Variants in RFX2 observed in about 807,000 individuals in gnomAD.
The protein encoded by RFX2 is regulatory factor X2.
In RFX2, 20 loss-of-function variants were observed where a neutral mutation model predicts 87.8. The observed-to-expected ratio is 0.23, with a 90% CI of 0.16 to 0.33. The LOEUF is 0.33. Among genes scored for constraint, RFX2 ranks in the 10% least tolerant of loss-of-function variants. The probability of loss-of-function intolerance (pLI) is 1.00; values close to 1 mark genes in which losing one functional copy is unlikely to be tolerated. For synonymous variants in RFX2, 397 were observed against 431.3 expected (o/e 0.92, Z 0.98); for missense variants, 767 against 1,012.3 (o/e 0.76, Z 3.29).
rs1486503994 is a variant in RFX2 at position 5,997,464 on chromosome 19, T to A, written c.1860-251A>T. ...CCACCTGGGGAACAGGAGAGGGAGA[T>A]GGGCAGTCAGCCCCAAAGCGACAGG... On this transcript the variant is annotated intron_variant, in intron 15 of 17. Transcript: ENST00000303657. This position sits in a 1 kb window ranked among gnomAD's most constrained non-coding sequence, Gnocchi z 4.2. The A allele has an allele frequency of 2.3e-6, 1 of 437,394 alleles. No homozygotes were observed. The highest frequency in any genetic ancestry group is 3.7e-5 in the East Asian group (1 of 27,182). 27.1% of individuals were successfully genotyped at this position (437,394 alleles called of 1,614,324 possible).
intron 17 of RFX2, among the ~76,000 whole-genome samples, chr19:5,995,318 G>A (rs1338111860): frequency 6.6e-6 from 1 of 152,178 alleles, no homozygotes; most frequent in Non-Finnish European, 1.5e-5. Flanking sequence ...GCTGGGCGTG[G>A]GCGCAGGAGA....
At position 6,007,134 on chromosome 19, in the gene RFX2, T is replaced by C. The variant is rs751119246; in HGVS notation, c.1280A>G (p.Lys427Arg). The C allele has an allele frequency of 6.2e-7, 1 of 1,614,082 alleles. No homozygotes were observed. The highest frequency in any genetic ancestry group is 8.5e-7 in the Non-Finnish European group (1 of 1,180,012). Residue 427 changes from lysine (K) to arginine (R), a missense_variant, in exon 12 of 18, where the codon AAG becomes AGG. Transcript: ENST00000303657. This position sits in a 1 kb window ranked among gnomAD's most constrained non-coding sequence, Gnocchi z 8.2. Reference protein sequence around the residue: ...DEDPEGAVLPKDKLISLCQCD... With the variant: ...DEDPEGAVLPRDKLISLCQCD... ...CTGACACAGGGAGATAAGCTTGTCC[T>C]TGGGCAGGACGGCGCCCTCGGGGTC...
intron 1 of RFX2, among the ~76,000 whole-genome samples, chr19:6,108,690 G>A (rs1304864198): frequency 6.6e-6 from 1 of 152,200 alleles, no homozygotes. Flanking sequence ...ACACCCCAAA[G>A]TAGGAATGAA....
At chr19:6,028,352 T>C (rs1404896427) in intron 5 of RFX2, among the ~76,000 whole-genome samples, 1 of 152,216 alleles carries the variant, frequency 6.6e-6, no homozygotes, top group Non-Finnish European at 1.5e-5. Context: ...TGAAGTACAT[T>C]GAAAAAACTT....
intron 5 of RFX2, among the ~76,000 whole-genome samples, chr19:6,035,850 G>GT (rs1555776253): frequency 0.05 from 6,837 of 137,204 alleles, 250 homozygotes; most frequent in African/African-American, 0.11. Context: ...CTTGGTGGGG[G>GT]GTGTGTGTGT....
intron 1 of RFX2, among the ~76,000 whole-genome samples, chr19:6,082,381 T>C (rs1051237002): frequency 6.6e-6 from 1 of 151,906 alleles, no homozygotes; most frequent in Non-Finnish European, 1.5e-5. Flanking sequence ...GGGATTAATA[T>C]AGTAAGAGGA....
At chr19:6,067,067 C>T (rs2087525006) in intron 1 of RFX2, among the ~76,000 whole-genome samples, 2 of 152,168 alleles carry the variant, frequency 1.3e-5, no homozygotes, top group African/African-American at 4.8e-5. Flanking sequence ...CAAGGAGGAA[C>T]AACTCTCTCT....
In RFX2 at chr19:6,047,422, C is replaced by T. The variant is rs2087206909; in HGVS notation, c.75G>A (p.Val25=). The T allele has an allele frequency of 6.2e-7, 1 of 1,607,796 alleles. No homozygotes were observed. The highest frequency in any genetic ancestry group is 8.5e-7 in the Non-Finnish European group (1 of 1,177,452). The part of the protein sequence containing the change: ...ALRPSAAAPP[V]PASPQRVLVQ... ...CGCGCGTTACCTGCGGGGAGGCTGG[C>T]ACAGGCGGGGCTGCCGCCGAGGGAC... The change falls in exon 2 of 18, where the codon GTG becomes GTA. Residue 25 remains valine (V), a synonymous_variant. Transcript: ENST00000303657. The surrounding 1 kb of genome is among the most constrained non-coding windows in gnomAD (Gnocchi z 4.2).
chr19:6,034,585 C>T (rs1050065921), intron 5 of RFX2, among the ~76,000 whole-genome samples: 1 of 151,830 alleles, frequency 6.6e-6, no homozygotes, highest in Non-Finnish European at 1.5e-5. Context: ...TGGTCTTGAA[C>T]TCCCGGGCTC....
rs1246820093 is a variant in RFX2 at position 6,056,221 on chromosome 19, G to A, written c.-8-8717C>T. ...AAGCCTGTAAAAATACAAGGGTGGA[G>A]AGGAGGACGGAGAGTGGGTACAGGT... On this transcript the variant is annotated intron_variant, in intron 1 of 17. Coordinates refer to ENST00000303657, the MANE Select transcript of RFX2 (RefSeq NM_000635.4). The surrounding 1 kb of genome is among the most constrained non-coding windows in gnomAD (Gnocchi z 4.6). Among the ~76,000 whole-genome samples, 1 of 152,224 alleles carries A rather than the reference G, an allele frequency of 6.6e-6. No individual in the cohort carries two copies. The highest frequency in any genetic ancestry group is 1.9e-4 in the East Asian group (1 of 5,204).
intron 1 of RFX2, among the ~76,000 whole-genome samples, chr19:6,051,571 T>C (rs1240677826): frequency 6.6e-6 from 1 of 152,176 alleles, no homozygotes; most frequent in African/African-American, 2.4e-5. Context: ...AATGAAATCC[T>C]ACTTAACATA....
chr19:6,044,201 G>A lies in RFX2; in HGVS notation c.172C>T (p.Pro58Ser), dbSNP rs371265008. 15 of 1,563,034 alleles carry A rather than the reference G, an allele frequency of 9.6e-6. No homozygotes were observed. The highest frequency in any genetic ancestry group is 1.9e-5 in the Admixed American group (1 of 52,390). Reference protein sequence around the residue: ...PISLPRVQQVPQQVQPVQHVY... With the variant: ...PISLPRVQQVSQQVQPVQHVY... ...GCGGTGCTTGTCATTACCTGCTGGG[G>A]TACCTGCTGAACTCTGGGGAGGGAG... The change falls in exon 3 of 18, where the codon CCC becomes TCC. Residue 58 changes from proline to serine, a missense_variant. Pro to Ser is a moderately conservative substitution (Grantham distance 74, BLOSUM62 -1). Transcript: ENST00000303657. This position sits in a 1 kb window ranked among gnomAD's most constrained non-coding sequence, Gnocchi z 5.3.
At chr19:6,094,972 C>CA (rs906229527) in intron 1 of RFX2, among the ~76,000 whole-genome samples, 4 of 151,974 alleles carry the variant, frequency 2.6e-5, no homozygotes, top group Non-Finnish European at 4.4e-5. Context: ...ACTAAAAATA[C>CA]AAAAAATTAG....
At chr19:6,072,829 G>C in intron 1 of RFX2, 3 of 1,269,414 alleles carry the variant, frequency 2.4e-6, no homozygotes, top group Admixed American at 3.4e-5. Context: ...CATCATGGCC[G>C]CCCTCAGACC....
chr19:6,081,468 T>A (rs138729653), intron 1 of RFX2, among the ~76,000 whole-genome samples: 3 of 152,366 alleles, frequency 2.0e-5, no homozygotes, highest in African/African-American at 7.2e-5. Flanking sequence ...AAGCATTTAG[T>A]TAACATGAAA....
intron 5 of RFX2, among the ~76,000 whole-genome samples, chr19:6,028,580 A>G (rs1213872352): frequency 1.3e-5 from 2 of 152,218 alleles, no homozygotes; most frequent in Non-Finnish European, 2.9e-5. Flanking sequence ...ACAATGGCAG[A>G]GTAAGGAACT....
intron 1 of RFX2, among the ~76,000 whole-genome samples, chr19:6,105,234 T>C (rs75574805): frequency 6.6e-6 from 1 of 151,892 alleles, no homozygotes; most frequent in Non-Finnish European, 1.5e-5. Flanking sequence ...GTGTGTTATA[T>C]AGGAATAAAT....
chr19:6,038,848 G>A (rs1228987083), intron 5 of RFX2, among the ~76,000 whole-genome samples: 2 of 152,210 alleles, frequency 1.3e-5, no homozygotes, highest in Non-Finnish European at 2.9e-5. Flanking sequence ...AGAGGAGCAA[G>A]AGGAACTCTT....
intron 1 of RFX2, among the ~76,000 whole-genome samples, chr19:6,055,806 C>T (rs2087330185): frequency 2.6e-5 from 4 of 152,040 alleles, no homozygotes; most frequent in Admixed American, 2.6e-4. Context: ...CCTAAAACAA[C>T]CACTAAAAAT....
Sources: allele counts gnomAD v4.1 joint callset (sites outside exome capture counted in the v4.1 genomes callset), GRCh38; gene constraint gnomAD v4.1.1; non-coding constraint Gnocchi (gnomAD v3.1); transcripts MANE v1.5; gene names NCBI Gene and HGNC (gene_info 2026-07-23, HGNC 2026-07-21).